Variants in PELI1 observed in about 807,000 individuals in gnomAD.
The protein encoded by PELI1 is pellino E3 ubiquitin protein ligase 1, also known as E3 ubiquitin-protein ligase pellino homolog 1.
In PELI1, 15 loss-of-function variants were observed where a neutral mutation model predicts 41.3. The observed-to-expected ratio is 0.36, with a 90% CI of 0.24 to 0.56. The LOEUF (loss-of-function observed/expected upper bound fraction) is 0.56. PELI1 is among the 20% of genes least tolerant of loss of function. The pLI, the probability that PELI1 is intolerant of heterozygous loss-of-function variation, is 0.82. For synonymous variants in PELI1, 178 were observed against 180.1 expected, an observed-to-expected ratio of 0.99 and a Z score of 0.09; for missense variants, 403 against 525.5, an observed-to-expected ratio of 0.77 and a Z score of 2.28.
intron 6 of PELI1, 96 bp downstream of exon 6, chr2:64,096,029 G>T: frequency 2.4e-6 from 2 of 831,670 alleles, no homozygotes; most frequent in East Asian, 2.4e-5. Flanking sequence ...GTTGGCAATA[G>T]ATTTAAGAGT....
chr2:64,123,492 A>G (rs949432412), intron 1 of PELI1, among the ~76,000 whole-genome samples: 2 of 152,246 alleles, frequency 1.3e-5, no homozygotes, highest in Non-Finnish European at 2.9e-5. Flanking sequence ...TGAAATTAAA[A>G]TTTGGTAAAA....
intron 1 of PELI1, among the ~76,000 whole-genome samples, chr2:64,119,760 C>T (rs903522578): frequency 9.2e-5 from 14 of 152,126 alleles, no homozygotes; most frequent in Non-Finnish European, 1.8e-4. Context: ...TATTCCATTT[C>T]TTAAAAAGCA....
At chr2:64,135,942 G>C (rs1042582672) in intron 1 of PELI1, among the ~76,000 whole-genome samples, 5 of 152,206 alleles carry the variant, frequency 3.3e-5, no homozygotes, top group African/African-American at 9.6e-5. Context: ...TCCAAGTTCA[G>C]AGAATTATCC....
intron 1 of PELI1, among the ~76,000 whole-genome samples, chr2:64,137,818 A>G (rs1681766581): frequency 6.6e-6 from 1 of 152,184 alleles, no homozygotes; most frequent in African/African-American, 2.4e-5. Context: ...GAGCAAATAC[A>G]AAGTAATGAG....
chr2:64,140,654 C>T (rs1356399840), intron 1 of PELI1, among the ~76,000 whole-genome samples: 1 of 151,762 alleles, frequency 6.6e-6, no homozygotes, highest in Non-Finnish European at 1.5e-5. Context: ...TCAAGAAACA[C>T]TGTGCTTTCT....
intron 1 of PELI1, among the ~76,000 whole-genome samples, chr2:64,130,497 T>C (rs1429671368): frequency 6.6e-6 from 1 of 152,198 alleles, no homozygotes; most frequent in Non-Finnish European, 1.5e-5. Flanking sequence ...TGAGCTCCCA[T>C]AGTTTATCTG....
chr2:64,098,151 A>C (rs1208172286), intron 4 of PELI1, among the ~76,000 whole-genome samples: 1 of 152,186 alleles, frequency 6.6e-6, no homozygotes, highest in Non-Finnish European at 1.5e-5. Context: ...GAAGAAACTT[A>C]AGTATCTATA....
At chr2:64,108,856 T>C (rs1479919069) in intron 1 of PELI1, among the ~76,000 whole-genome samples, 1 of 152,156 alleles carries the variant, frequency 6.6e-6, no homozygotes, top group Non-Finnish European at 1.5e-5. Flanking sequence ...AAAAGCTTGC[T>C]CTCTCTAGCC....
chr2:64,111,827 G>A (rs1302274075), intron 1 of PELI1, among the ~76,000 whole-genome samples: 1 of 152,048 alleles, frequency 6.6e-6, no homozygotes, highest in Non-Finnish European at 1.5e-5. Context: ...CCTCTAAGAA[G>A]CATTTCATTT....
rs748189403 is a variant in PELI1 at position 64,093,439 on chromosome 2, G to C, written c.*1263C>G. ...AACTGTCTATACTTGTGGTGCCTTT[G>C]AAAAAAGGGTGGGAAGGAGGGGAGA... On this transcript the variant is annotated 3_prime_UTR_variant, in exon 7 of 7. Transcript: ENST00000358912. 39 of 152,542 alleles carry C rather than the reference G, an allele frequency of 2.6e-4. No individual in the cohort carries two copies. Among genetic ancestry groups the C allele is most frequent in the Admixed American group, 9.2e-4 (14 of 15,276 alleles). The allele number at this position is 152,542 out of a possible 1,614,324, so 9.4% of individuals were successfully genotyped here.
chr2:64,095,949 C>T (rs985613612), intron 6 of PELI1, among the ~76,000 whole-genome samples, 176 bp downstream of exon 6: 9 of 152,046 alleles, frequency 5.9e-5, no homozygotes, highest in Admixed American at 5.9e-4. Flanking sequence ...GGCTACTAAA[C>T]GAAATATTAA....
intron 3 of PELI1, among the ~76,000 whole-genome samples, chr2:64,100,876 G>A (rs1035284270): frequency 1.3e-5 from 2 of 151,986 alleles, no homozygotes; most frequent in African/African-American, 2.4e-5. Flanking sequence ...ACAGGTGCAC[G>A]CTGCCACGCC....
chr2:64,143,828 G>T (rs1682006676), intron 1 of PELI1, among the ~76,000 whole-genome samples: 1 of 151,826 alleles, frequency 6.6e-6, no homozygotes, highest in African/African-American at 2.4e-5. Flanking sequence ...GTTGGCCGCC[G>T]CGCGCCCCGC....
intron 3 of PELI1, 184 bp downstream of exon 3, chr2:64,104,512 TAAAAG>T: frequency 1.2e-6 from 1 of 826,472 alleles, no homozygotes; most frequent in Non-Finnish European, 1.6e-6. Flanking sequence ...ATTTTTTTTT[TAAAAG>T]TCCAATTCCC....
In PELI1 at chr2:64,095,667, C is replaced by T. The variant is rs949952349; in HGVS notation, c.691-399G>A. On this transcript the variant is annotated intron_variant, in intron 6 of 6. Coordinates refer to ENST00000358912, the MANE Select transcript of PELI1 (RefSeq NM_020651.4). ...CAGAAGAATGAACTTCCAGAGTTTA[C>T]TAAAATGCTCTTGTTGCCCAGGCTG... Among the ~76,000 whole-genome samples the T allele has an allele frequency of 2.6e-5, 4 of 151,896 alleles. No individual in the cohort carries two copies. The East Asian group carries it at 7.7e-4, about 29-fold the overall frequency.
chr2:64,094,259 C>CAGA lies in PELI1; in HGVS notation c.*442_*443insTCT. The CAGA allele has an allele frequency of 6.3e-6, 1 of 157,664 alleles. No homozygotes were observed. The highest frequency in any genetic ancestry group is 1.4e-5 in the Non-Finnish European group (1 of 71,224). The allele number at this position is 157,664 out of a possible 1,614,324, so 9.8% of individuals were successfully genotyped here. A position where few individuals can be genotyped will look rare whatever the true frequency, so the allele number is the denominator to read the frequency against. On this transcript the variant is annotated 3_prime_UTR_variant, in exon 7 of 7. Transcript: ENST00000358912. Reference sequence around the variant, plus strand: ...CGTTACCATGCTACTCTATCAAGAACATTCTAAGGTATTTTCTATAATAAA... The same window carrying CAGA: ...CGTTACCATGCTACTCTATCAAGAACAGAATTCTAAGGTATTTTCTATAATAAA...
chr2:64,104,900 T>C (rs1188288250), intron 2 of PELI1, 70 bp from the exon 3 acceptor site: 4 of 1,364,530 alleles, frequency 2.9e-6, no homozygotes, highest in South Asian at 1.4e-5. Flanking sequence ...ATGTTTGACT[T>C]TGCCTTGCAG....
rs1576111884 is a variant in PELI1 at position 64,144,313 on chromosome 2, G to A, written c.-302C>T. ...TGTGGTGCGCTCCCGGAGGGCTGGGGACCAATTCGACCGCACCGCGGGACT... is the reference window on the plus strand; with the variant it reads ...TGTGGTGCGCTCCCGGAGGGCTGGGAACCAATTCGACCGCACCGCGGGACT... On this transcript the variant is annotated 5_prime_UTR_variant, in exon 1 of 7. Transcript: ENST00000358912. The A allele has an allele frequency of 1.3e-5, 2 of 152,382 alleles. No homozygotes were observed. The highest frequency in any genetic ancestry group is 4.8e-5 in the African/African-American group (2 of 41,566). 9.4% of individuals were successfully genotyped at this position (152,382 alleles called of 1,614,324 possible). A position where few individuals can be genotyped will look rare whatever the true frequency, so the allele number is the denominator to read the frequency against.
rs142288987 is a variant in PELI1, at chr2:64,112,249, G to A, written c.-69-3870C>T. On this transcript the variant is annotated intron_variant, in intron 1 of 6. Coordinates refer to ENST00000358912, the MANE Select transcript of PELI1 (RefSeq NM_020651.4). ...CTAGCAAGTATTAGCCTGTGTTCTA[G>A]TTCTAGCTGTCTTTGAACAAAGCAA... 4.0e-3 allele frequency among the ~76,000 whole-genome samples: 603 copies of A among 152,226 alleles called. 9 individuals carry two copies. Among genetic ancestry groups the A allele is most frequent in the Admixed American group, 0.031 (480 of 15,290 alleles).
Sources: gnomAD v4.1 joint callset for allele counts (sites outside exome capture counted in the v4.1 genomes callset) on GRCh38, gnomAD v4.1.1 for gene constraint, MANE v1.5 for transcripts, NCBI Gene and HGNC (gene_info 2026-07-23, HGNC 2026-07-21) for gene names.